The following BRAF variants were observed in gnomAD, a reference collection of about 807,000 sequenced individuals.
BRAF encodes the protein serine/threonine-protein kinase B-raf.
Under a neutral mutation model 104.6 loss-of-function variants are expected in BRAF, and 16 were observed. The ratio of observed to expected loss-of-function variants is 0.15; its 90% confidence interval spans 0.10 to 0.23. The LOEUF is 0.23. Among genes scored for constraint, BRAF ranks in the 10% least tolerant of loss-of-function variants. The pLI, the probability that BRAF is intolerant of heterozygous loss-of-function variation, is 1.00. For missense variants in BRAF, 541 were observed against 937.3 expected (o/e 0.58, Z 5.52); for synonymous variants, 310 against 341.6 (o/e 0.91, Z 1.02).
In BRAF at chr7:140,721,386, T is replaced by C; in HGVS notation, c.*5108A>G. On this transcript the variant is annotated 3_prime_UTR_variant, in exon 20 of 20. Transcript: ENST00000644969. ...CACATTAAAAATACCTGATAGGAAC[T>C]GTTAATTACCCTTTCCACAATTAAC... 8.1e-7 allele frequency: 1 copy of C among 1,232,824 alleles called. No homozygotes were observed. The highest frequency in any genetic ancestry group is 3.2e-5 in the East Asian group (1 of 31,540). The allele number at this position is 1,232,824 out of a possible 1,614,324, so 76.4% of individuals were successfully genotyped here. A position where few individuals can be genotyped will look rare whatever the true frequency, so the allele number is the denominator to read the frequency against.
At chr7:140,809,794 G>A (rs1804034882) in intron 3 of BRAF, among the ~76,000 whole-genome samples, 1 of 152,060 alleles carries the variant, frequency 6.6e-6, no homozygotes, top group African/African-American at 2.4e-5. Context: ...GAGAAAATCT[G>A]TTATAGAATG....
chr7:140,819,555 A>G (rs985393091), intron 3 of BRAF, among the ~76,000 whole-genome samples: 3 of 152,224 alleles, frequency 2.0e-5, no homozygotes, highest in Non-Finnish European at 4.4e-5. Flanking sequence ...AGCATTGCTC[A>G]TAACAGCTAA....
At chr7:140,850,044 AC>A (rs1352247708) in intron 2 of BRAF, 66 bp downstream of exon 2, 2 of 1,161,664 alleles carry the variant, frequency 1.7e-6, no homozygotes, top group Non-Finnish European at 1.3e-6. Flanking sequence ...GATTATCAGT[AC>A]AAATGTTTTT....
intron 15 of BRAF, chr7:140,753,884 G>A (rs1029162881): frequency 4.5e-6 from 2 of 442,130 alleles, no homozygotes; most frequent in African/African-American, 4.0e-5. Context: ...GGTCTGAAAG[G>A]GACTAATAGA....
chr7:140,844,641 G>A (rs1808352937), intron 2 of BRAF, among the ~76,000 whole-genome samples: 1 of 152,132 alleles, frequency 6.6e-6, no homozygotes, highest in Non-Finnish European at 1.5e-5. Context: ...AAATTCACAT[G>A]GAGGCTGAGC....
Position 140,722,952 on chromosome 7 carries a change from G to A in BRAF, c.*3542C>T. ...TGCTTAAATGTATAATGCCCTTTAG[G>A]ACAAAATGAGAGTGCTCAAATACAA... On this transcript the variant is annotated 3_prime_UTR_variant, in exon 20 of 20. Coordinates refer to ENST00000644969, the MANE Select transcript of BRAF (RefSeq NM_001374258.1). 2 of 1,054,306 alleles carry A rather than the reference G, an allele frequency of 1.9e-6. No homozygotes were observed. The highest frequency in any genetic ancestry group is 2.3e-6 in the Non-Finnish European group (2 of 872,594). The allele number at this position is 1,054,306 out of a possible 1,614,324, so 65.3% of individuals were successfully genotyped here.
chr7:140,815,432 ATTTTTTTT>A (rs11445161), intron 3 of BRAF, among the ~76,000 whole-genome samples: 1 of 111,882 alleles, frequency 8.9e-6, no homozygotes, highest in African/African-American at 3.9e-5. Context: ...GGTGTGAGCC[ATTTTTTTT>A]TTTTTTTTTT....
At chr7:140,858,366 G>C (rs1394058410) in intron 1 of BRAF, among the ~76,000 whole-genome samples, 1 of 152,198 alleles carries the variant, frequency 6.6e-6, no homozygotes, top group Non-Finnish European at 1.5e-5. Context: ...AATACGCTAA[G>C]ACTGCTACAC....
intron 1 of BRAF, among the ~76,000 whole-genome samples, chr7:140,891,710 A>G (rs1464011808): frequency 6.6e-6 from 1 of 152,000 alleles, no homozygotes; most frequent in Non-Finnish European, 1.5e-5. Context: ...CAATCAAAAT[A>G]TTTCCAAATG....
At chr7:140,718,323 A>ATC (rs1795181924), downstream of BRAF, among the ~76,000 whole-genome samples, 1 of 151,536 alleles carries the variant, frequency 6.6e-6, no homozygotes, top group Non-Finnish European at 1.5e-5. Context: ...GCAATGGCAC[A>ATC]ATCTCGGTCG....
At chr7:140,913,661 T>C (rs1817270416) in intron 1 of BRAF, among the ~76,000 whole-genome samples, 1 of 151,750 alleles carries the variant, frequency 6.6e-6, no homozygotes. Flanking sequence ...TTTTTGTATA[T>C]TTAGTAGAGA....
intron 14 of BRAF, among the ~76,000 whole-genome samples, chr7:140,765,010 C>A (rs200399457): frequency 9.9e-5 from 15 of 152,234 alleles, no homozygotes; most frequent in East Asian, 5.8e-4. Context: ...AAGCCAAAAG[C>A]ACAAAGCTGG....
At chr7:140,798,207 A>G (rs1225458641) in intron 7 of BRAF, among the ~76,000 whole-genome samples, 1 of 151,454 alleles carries the variant, frequency 6.6e-6, no homozygotes, top group Non-Finnish European at 1.5e-5. Context: ...CTGACAATAA[A>G]TATTTCTAAT....
Position 140,723,754 on chromosome 7 carries a change from G to A in BRAF, c.*2740C>T, listed in dbSNP as rs1585891709. 9.5e-7 allele frequency: 1 copy of A among 1,049,018 alleles called. No homozygotes were observed. The allele number at this position is 1,049,018 out of a possible 1,614,324, so 65.0% of individuals were successfully genotyped here. A position where few individuals can be genotyped will look rare whatever the true frequency, so the allele number is the denominator to read the frequency against. On this transcript the variant is annotated 3_prime_UTR_variant, in exon 20 of 20. Transcript: ENST00000644969. ...CAGAAGGCACTGCAGCCACTTTACA[G>A]ACAAGACTGTTACACCCTTACAAGA...
At chr7:140,776,730 G>T (rs1443642406) in intron 14 of BRAF, among the ~76,000 whole-genome samples, 182 bp downstream of exon 13, 1 of 152,116 alleles carries the variant, frequency 6.6e-6, no homozygotes, top group African/African-American at 2.4e-5. Flanking sequence ...TGTTCTGAAG[G>T]CTGCACTAGA....
intron 14 of BRAF, among the ~76,000 whole-genome samples, chr7:140,756,305 T>C (rs1017115239): frequency 3.3e-5 from 5 of 152,204 alleles, no homozygotes; most frequent in Non-Finnish European, 7.3e-5. Flanking sequence ...CATTGAATAA[T>C]TCTCTTTCTG....
intron 2 of BRAF, chr7:140,836,154 T>A (rs1175408452): frequency 1.3e-5 from 2 of 152,176 alleles, no homozygotes; most frequent in African/African-American, 4.8e-5. Context: ...CATGAAAAAC[T>A]ATAGATAGGT....
chr7:140,872,309 C>T (rs537419486), intron 1 of BRAF, among the ~76,000 whole-genome samples: 1 of 151,068 alleles, frequency 6.6e-6, no homozygotes, highest in African/African-American at 2.4e-5. Flanking sequence ...AGTTAACTAG[C>T]AAAATGGACA....
intron 14 of BRAF, among the ~76,000 whole-genome samples, chr7:140,773,694 C>A (rs1586108534): frequency 6.6e-6 from 1 of 152,170 alleles, no homozygotes; most frequent in African/African-American, 2.4e-5. Flanking sequence ...TTCAAACAGG[C>A]CTTTCATTTT....
Sources: gnomAD v4.1 joint callset for allele counts (sites outside exome capture counted in the v4.1 genomes callset) on GRCh38, gnomAD v4.1.1 for gene constraint, MANE v1.5 for transcripts, NCBI Gene and HGNC (gene_info 2026-07-23, HGNC 2026-07-21) for gene names.